R3HCC1L: variants seen among roughly 807,000 people sequenced by gnomAD.
R3HCC1L encodes coiled-coil domain-containing protein R3HCC1L.
Under a neutral mutation model 59.9 loss-of-function variants are expected in R3HCC1L, and 51 were observed. That is an observed-to-expected ratio of 0.85 (90% CI 0.68 to 1.07). R3HCC1L has a LOEUF of 1.07. Ranked by LOEUF, R3HCC1L falls within the 50% of genes least tolerant of loss-of-function variation. R3HCC1L has a pLI of 0.00. For synonymous variants in R3HCC1L, 322 were observed against 315.2 expected (o/e 1.02, Z -0.23); for missense variants, 965 against 933.0 (o/e 1.03, Z -0.45).
chr10:98,229,933 A>T (rs1304451322), intron 5 of R3HCC1L, among the ~76,000 whole-genome samples: 1 of 152,194 alleles, frequency 6.6e-6, no homozygotes, highest in Admixed American at 6.5e-5. Flanking sequence ...GATGAAGCCA[A>T]CTTGATCATG....
At chr10:98,221,411 T>C (rs1362584681) in intron 5 of R3HCC1L, among the ~76,000 whole-genome samples, 22 of 149,266 alleles carry the variant, frequency 1.5e-4, no homozygotes, top group African/African-American at 4.4e-4. Context: ...ATTTTGGCTT[T>C]TGTTGCCATT....
chr10:98,146,707 A>G (rs762217029), intron 1 of R3HCC1L, among the ~76,000 whole-genome samples: 1 of 152,336 alleles, frequency 6.6e-6, no homozygotes, highest in South Asian at 2.1e-4. Context: ...CTTCTGAACC[A>G]GAATAGATTC....
Position 98,153,733 on chromosome 10 carries a change from G to A in R3HCC1L, c.-267-2360G>A, listed in dbSNP as rs568437850. Among the ~76,000 whole-genome samples the A allele has an allele frequency of 3.5e-4, 53 of 151,516 alleles. 1 individual carries two copies. Among genetic ancestry groups the A allele is most frequent in the African/African-American group, 1.3e-3 (53 of 41,228 alleles). On this transcript the variant is annotated intron_variant, in intron 1 of 9. Transcript: ENST00000298999. ...GCAATAAGATACCAAATTATAAACA[G>A]GATCTAAGGTCATGCCAAGTAAGGA...
intron 5 of R3HCC1L, among the ~76,000 whole-genome samples, chr10:98,219,852 C>T (rs553727879): frequency 1.3e-5 from 2 of 152,078 alleles, no homozygotes; most frequent in African/African-American, 4.8e-5. Context: ...ACTAGTGTGC[C>T]TTGGAGAAGA....
chr10:98,150,974 C>CG (rs1042936396), intron 1 of R3HCC1L, among the ~76,000 whole-genome samples: 4 of 151,838 alleles, frequency 2.6e-5, no homozygotes, highest in African/African-American at 9.7e-5. Context: ...GATTGTGAGT[C>CG]GGGGGGAAAT....
At chr10:98,169,964 C>T (rs934738404) in intron 4 of R3HCC1L, among the ~76,000 whole-genome samples, 21 of 147,546 alleles carry the variant, frequency 1.4e-4, no homozygotes, top group Admixed American at 6.9e-5. Context: ...AGAATAGTCA[C>T]AGTAGAAGTC....
At position 98,182,019 on chromosome 10, in the gene R3HCC1L, C is replaced by T. The variant is rs369442746; in HGVS notation, c.-15+18622C>T. On this transcript the variant is annotated intron_variant, in intron 4 of 9. Transcript: ENST00000298999. ...CTTCTGAAGCCTACTTCTGTCAACT[C>T]GTCAAAGTCATTCTCCGTCCAGCTT... 5.9e-5 allele frequency among the ~76,000 whole-genome samples: 9 copies of T among 152,324 alleles called. No homozygotes were observed. The South Asian group carries it at 1.0e-3, about 18-fold the overall frequency.
chr10:98,145,430 T>TAGGTCTTGGAGAA (rs1484660179), intron 1 of R3HCC1L, among the ~76,000 whole-genome samples: 1 of 152,206 alleles, frequency 6.6e-6, no homozygotes, highest in East Asian at 1.9e-4. Context: ...GGATCTCAGA[T>TAGGTCTTGGAGAA]AGGTCTTGGA....
intron 1 of R3HCC1L, among the ~76,000 whole-genome samples, chr10:98,152,077 C>G (rs538394087): frequency 1.3e-5 from 2 of 152,166 alleles, no homozygotes; most frequent in East Asian, 1.9e-4. Flanking sequence ...CTCAGCCTGC[C>G]GAGTGCCTGC....
rs748488044 is a variant in R3HCC1L at position 98,235,532 on chromosome 10, A to G, written c.2128+12A>G. On this transcript the variant is annotated intron_variant, in intron 8 of 9. Transcript: ENST00000298999. The stretch of plus-strand genomic sequence containing the variant: ...TAGAGCTTATGCTGGTGAGTCTATA[A>G]TCTCTGGGTTTTTTTCTTGCTGATG... 6.3e-7 allele frequency: 1 copy of G among 1,589,062 alleles called. No individual in the cohort carries two copies. The highest frequency in any genetic ancestry group is 8.6e-7 in the Non-Finnish European group (1 of 1,168,180).
rs75606813 is a variant in R3HCC1L, at chr10:98,219,697, G to A, written c.1785+9798G>A. ...GCATTTCTTGTAGGTCCAGTCTCAT[G>A]ATAATGAATTCCCTGTTTTTGCTTA... On this transcript the variant is annotated intron_variant, in intron 5 of 9. Transcript: ENST00000298999. 2.0e-4 allele frequency among the ~76,000 whole-genome samples: 31 copies of A among 152,280 alleles called. No homozygotes were observed. In the East Asian group the frequency reaches 5.8e-3, roughly 28 times the overall value.
chr10:98,183,549 T>C (rs1185949124), intron 4 of R3HCC1L, among the ~76,000 whole-genome samples: 1 of 152,160 alleles, frequency 6.6e-6, no homozygotes, highest in Non-Finnish European at 1.5e-5. Flanking sequence ...CATATTTTGT[T>C]TCTGTCTTAT....
At chr10:98,197,954 T>C (rs775050364) in intron 4 of R3HCC1L, among the ~76,000 whole-genome samples, 17 of 152,166 alleles carry the variant, frequency 1.1e-4, no homozygotes, top group Non-Finnish European at 2.4e-4. Flanking sequence ...TAGGATTGTA[T>C]TTGTTATGCA....
intron 1 of R3HCC1L, among the ~76,000 whole-genome samples, chr10:98,154,351 T>C (rs751658393): frequency 1.2e-4 from 18 of 152,134 alleles, no homozygotes; most frequent in Non-Finnish European, 2.5e-4. Context: ...GAATCTGGTG[T>C]GTGCAGATAT....
intron 7 of R3HCC1L, among the ~76,000 whole-genome samples, chr10:98,235,186 T>C (rs1401670979): frequency 1.3e-5 from 2 of 152,176 alleles, no homozygotes; most frequent in African/African-American, 4.8e-5. Context: ...TTCAGTAAAA[T>C]AATAAAATTA....
At chr10:98,221,976 GC>G (rs1855040741) in intron 5 of R3HCC1L, among the ~76,000 whole-genome samples, 2 of 152,286 alleles carry the variant, frequency 1.3e-5, no homozygotes, top group East Asian at 3.9e-4. Flanking sequence ...GGGCAGTATA[GC>G]CATTTTCTCG....
intron 9 of R3HCC1L, among the ~76,000 whole-genome samples, chr10:98,237,594 G>T (rs1316129201): frequency 6.6e-6 from 1 of 152,178 alleles, no homozygotes; most frequent in African/African-American, 2.4e-5. Context: ...AATTAAAAAT[G>T]ATTCTGTTGA....
rs1196452509 is a variant in R3HCC1L, at chr10:98,208,525, G to T, written c.411G>T (p.Gln137His). Residue 137 changes from glutamine (Q) to histidine (H), a missense_variant, in exon 5 of 10, where the codon CAG becomes CAT. Coordinates refer to ENST00000298999, the MANE Select transcript of R3HCC1L (RefSeq NM_001351015.2). Reference sequence around the variant, plus strand: ...GGGTTATAACTAATGCACCTTTGCAGAGACATTTTAAACCAAAGAAGGTGG... The same window carrying T: ...GGGTTATAACTAATGCACCTTTGCATAGACATTTTAAACCAAAGAAGGTGG... ...NAGVITNAPL[Q>H]RHFKPKKVEC... 1 of 1,614,068 alleles carries T rather than the reference G, an allele frequency of 6.2e-7. No homozygotes were observed. The highest frequency in any genetic ancestry group is 8.5e-7 in the Non-Finnish European group (1 of 1,180,028).
At chr10:98,183,176 G>A (rs899361840) in intron 4 of R3HCC1L, among the ~76,000 whole-genome samples, 47 of 152,172 alleles carry the variant, frequency 3.1e-4, no homozygotes, top group African/African-American at 1.1e-3. Flanking sequence ...TCTTGGAATG[G>A]ACCACAAGGC....
Sources: gnomAD v4.1 joint callset for allele counts (sites outside exome capture counted in the v4.1 genomes callset) on GRCh38, gnomAD v4.1.1 for gene constraint, MANE v1.5 for transcripts, NCBI Gene and HGNC (gene_info 2026-07-23, HGNC 2026-07-21) for gene names.